The following PCDH11X variants were observed in gnomAD, a reference collection of about 807,000 sequenced individuals.
PCDH11X encodes protocadherin 11 X-linked, also known as protocadherin-11 X-linked.
A neutral mutation model predicts 53.3 loss-of-function variants in PCDH11X; 18 were observed. The observed-to-expected ratio is 0.34, with a 90% CI of 0.23 to 0.50. The LOEUF (loss-of-function observed/expected upper bound fraction) is 0.50, where lower values mean the gene tolerates loss of function less well. Among genes scored for constraint, PCDH11X ranks in the 20% least tolerant of loss-of-function variants. The probability of loss-of-function intolerance (pLI) is 0.98; values close to 1 mark genes in which losing one functional copy is unlikely to be tolerated. For missense variants in PCDH11X, 570 were observed against 1,032.4 expected (o/e 0.55, Z 6.14); for synonymous variants, 279 against 393.3 (o/e 0.71, Z 3.44).
At chrX:92,527,138 G>C (rs12839473) in intron 10 of PCDH11X, among the ~76,000 whole-genome samples, 1 of 110,424 alleles carries the variant, frequency 9.1e-6, no homozygotes, top group Admixed American at 9.7e-5. Context: ...CTGGGGTTTG[G>C]GATGAGGTGG....
chrX:92,437,684 T>A (rs1270203694), intron 9 of PCDH11X, among the ~76,000 whole-genome samples: 2 of 110,347 alleles, frequency 1.8e-5, no homozygotes, highest in Admixed American at 9.7e-5. Context: ...CTGTTTTACA[T>A]GGAAACAGAA....
At chrX:92,298,340 T>A (rs1400216938) in intron 8 of PCDH11X, among the ~76,000 whole-genome samples, 1 of 111,551 alleles carries the variant, frequency 9.0e-6, no homozygotes, top group African/African-American at 3.3e-5. Context: ...GTTTGGTGAG[T>A]GTTTCTAACA....
chrX:92,405,930 TA>T (rs1162915789), intron 9 of PCDH11X, among the ~76,000 whole-genome samples: 1 of 109,301 alleles, frequency 9.1e-6, no homozygotes, highest in Non-Finnish European at 1.9e-5. Flanking sequence ...CCATCTCTAC[TA>T]AAAAATACAA....
intron 6 of PCDH11X, among the ~76,000 whole-genome samples, chrX:91,972,788 G>T (rs1386543083): frequency 2.7e-5 from 3 of 110,591 alleles, no homozygotes; most frequent in Non-Finnish European, 3.8e-5. Flanking sequence ...TGAGGGCTCT[G>T]TTCTGTTCCA....
chrX:91,943,081 CA>C (rs2061530284), intron 6 of PCDH11X, among the ~76,000 whole-genome samples: 1 of 95,204 alleles, frequency 1.1e-5, no homozygotes, highest in Non-Finnish European at 2.1e-5. Context: ...TAATTGTTGC[CA>C]GGGGTTGTGA....
intron 5 of PCDH11X, among the ~76,000 whole-genome samples, chrX:91,844,332 T>C (rs1937581026): frequency 9.0e-6 from 1 of 110,848 alleles, no homozygotes; most frequent in Admixed American, 9.7e-5. Flanking sequence ...GTTTTAAGTC[T>C]TCCACTTACC....
intron 6 of PCDH11X, among the ~76,000 whole-genome samples, chrX:92,147,855 T>TTTCTTTCTTTCTTTCTTTCTTTCTTTC (rs1569388372): frequency 4.5e-5 from 1 of 22,356 alleles, no homozygotes; most frequent in Non-Finnish European, 1.6e-4. Flanking sequence ...TTCTTTCTTT[T>TTTCTTTCTTTCTTTCTTTCTTTCTTTC]TTCTTTTCTC....
intron 4 of PCDH11X, among the ~76,000 whole-genome samples, chrX:91,813,408 A>T (rs1271277053): frequency 9.7e-6 from 1 of 103,471 alleles, no homozygotes; most frequent in Non-Finnish European, 2.0e-5. Flanking sequence ...AATTTCTTAG[A>T]GGAAATGAGT....
intron 8 of PCDH11X, among the ~76,000 whole-genome samples, chrX:92,300,151 G>A (rs1367097285): frequency 9.2e-6 from 1 of 108,732 alleles, no homozygotes; most frequent in African/African-American, 3.4e-5. Context: ...TATTTTTATT[G>A]CACTGTGGTC....
At chrX:92,515,528 C>G (rs2074252686) in intron 10 of PCDH11X, 1 of 236,470 alleles carries the variant, frequency 4.2e-6, no homozygotes, top group Non-Finnish European at 6.5e-6. Flanking sequence ...CGCGGGCTCC[C>G]ATGACACGTT....
chrX:92,580,734 G>C (rs1238761315), intron 10 of PCDH11X, among the ~76,000 whole-genome samples: 1 of 111,975 alleles, frequency 8.9e-6, no homozygotes, highest in Non-Finnish European at 1.9e-5. Flanking sequence ...CTGTGCTTGG[G>C]ACCCAAGGCC....
chrX:92,033,907 C>T (rs2063090553), intron 6 of PCDH11X, among the ~76,000 whole-genome samples: 2 of 109,636 alleles, frequency 1.8e-5, no homozygotes, highest in South Asian at 7.8e-4. Flanking sequence ...AAACTTTCCG[C>T]TTAGTAGTAC....
intron 6 of PCDH11X, among the ~76,000 whole-genome samples, chrX:91,950,543 G>GGT (rs2061625396): frequency 1.1e-5 from 1 of 90,432 alleles, no homozygotes; most frequent in African/African-American, 4.9e-5. Context: ...ATATCAATGT[G>GGT]GTATATATAT....
intron 8 of PCDH11X, among the ~76,000 whole-genome samples, chrX:92,380,021 G>T: frequency 9.9e-6 from 1 of 100,543 alleles, no homozygotes; most frequent in Middle Eastern, 5.1e-3. Context: ...GAGGATAGAA[G>T]AGAGCATAAG....
At chrX:91,816,793 T>C (rs1295244630) in intron 4 of PCDH11X, among the ~76,000 whole-genome samples, 1 of 110,761 alleles carries the variant, frequency 9.0e-6, no homozygotes, top group Non-Finnish European at 1.9e-5. Context: ...CATTGCATGA[T>C]TCTGTATCAC....
At chrX:92,148,770 A>G (rs1569390056) in intron 6 of PCDH11X, among the ~76,000 whole-genome samples, 2 of 107,059 alleles carry the variant, frequency 1.9e-5, no homozygotes, top group African/African-American at 6.9e-5. Flanking sequence ...TTATATATAT[A>G]TGTGTGTGTA....
intron 8 of PCDH11X, among the ~76,000 whole-genome samples, chrX:92,327,601 G>A (rs1319843355): frequency 1.0e-5 from 1 of 100,228 alleles, no homozygotes; most frequent in Non-Finnish European, 2.0e-5. Context: ...TTGGGTCCTG[G>A]AAGCTTTTTA....
At chrX:92,306,422 A>G (rs2068829337) in intron 8 of PCDH11X, among the ~76,000 whole-genome samples, 1 of 109,032 alleles carries the variant, frequency 9.2e-6, no homozygotes, top group African/African-American at 3.3e-5. Context: ...GAAAAACAAT[A>G]GAGACTATCC....
At chrX:92,151,338 G>T (rs2065430262) in intron 6 of PCDH11X, among the ~76,000 whole-genome samples, 1 of 109,345 alleles carries the variant, frequency 9.1e-6, no homozygotes, top group South Asian at 4.0e-4. Context: ...GACTACAGGG[G>T]CCCGCCACCG....
Sources: allele counts gnomAD v4.1 joint callset (sites outside exome capture counted in the v4.1 genomes callset), GRCh38; gene constraint gnomAD v4.1.1; transcripts MANE v1.5; gene names NCBI Gene and HGNC (gene_info 2026-07-23, HGNC 2026-07-21).